The following MACROD2 variants were observed in gnomAD, a reference collection of about 807,000 sequenced individuals.
The protein encoded by MACROD2 is ADP-ribose glycohydrolase MACROD2.
In MACROD2, 36 loss-of-function variants were observed where a neutral mutation model predicts 70.4. The observed-to-expected ratio is 0.51, with a 90% confidence interval of 0.39 to 0.68. MACROD2 has a LOEUF of 0.68. Among genes scored for constraint, MACROD2 ranks in the 30% least tolerant of loss-of-function variants. The pLI is 0.00. For missense variants in MACROD2, 496 were observed against 538.4 expected, an observed-to-expected ratio of 0.92 and a Z score of 0.78; for synonymous variants, 172 against 178.8, an observed-to-expected ratio of 0.96 and a Z score of 0.30.
chr20:15,100,069 AT>A (rs2075860562), intron 5 of MACROD2, among the ~76,000 whole-genome samples: 2 of 152,088 alleles, frequency 1.3e-5, no homozygotes, highest in South Asian at 4.1e-4. Context: ...CTTGCAAGTG[AT>A]GACATTTGGA....
chr20:14,013,299 GTCTC>G (rs1405527409), intron 2 of MACROD2, among the ~76,000 whole-genome samples: 1 of 140,598 alleles, frequency 7.1e-6, no homozygotes, highest in African/African-American at 2.6e-5. Context: ...TTGAGACGAA[GTCTC>G]TCTCTGTCGC....
intron 8 of MACROD2, among the ~76,000 whole-genome samples, chr20:15,556,354 TG>T (rs2048168972): frequency 6.6e-6 from 1 of 152,230 alleles, no homozygotes; most frequent in South Asian, 2.1e-4. Flanking sequence ...TAAAGAATCA[TG>T]GATCTCTTGA....
chr20:14,206,357 T>C (rs1184289436), intron 3 of MACROD2, among the ~76,000 whole-genome samples: 2 of 152,190 alleles, frequency 1.3e-5, no homozygotes, highest in East Asian at 3.8e-4. Flanking sequence ...ATTTTATCTT[T>C]TAACCAACCC....
chr20:14,845,664 G>A (rs2073132353), intron 5 of MACROD2, among the ~76,000 whole-genome samples: 1 of 151,912 alleles, frequency 6.6e-6, no homozygotes, highest in South Asian at 2.1e-4. Context: ...ATTAGTTAGG[G>A]CAAGTAGTTT....
intron 5 of MACROD2, among the ~76,000 whole-genome samples, chr20:15,179,144 G>A (rs901708513): frequency 6.6e-6 from 1 of 152,148 alleles, no homozygotes; most frequent in Non-Finnish European, 1.5e-5. Flanking sequence ...AGTATTGACT[G>A]GTAGGTGGCA....
chr20:15,820,896 G>A lies in MACROD2; in HGVS notation c.646-41849G>A, dbSNP rs557524540. Among the ~76,000 whole-genome samples, 12 of 152,186 alleles carry A rather than the reference G, an allele frequency of 7.9e-5. No homozygotes were observed. In the South Asian group the frequency reaches 1.7e-3, roughly 21 times the overall value. ...GTTTTAGACTTCAGAGCCCCAAGTC[G>A]CCTGAATATATAGCCACCTAAATAT... On this transcript the variant is annotated intron_variant, in intron 8 of 17. Transcript: ENST00000684519.
At chr20:15,307,135 T>C (rs2077705798) in intron 6 of MACROD2, among the ~76,000 whole-genome samples, 1 of 152,090 alleles carries the variant, frequency 6.6e-6, no homozygotes, top group African/African-American at 2.4e-5. Context: ...CATTTCAACA[T>C]GAGATTTGGA....
chr20:14,509,140 A>T (rs1192357582), intron 4 of MACROD2, among the ~76,000 whole-genome samples: 1 of 152,168 alleles, frequency 6.6e-6, no homozygotes, highest in Non-Finnish European at 1.5e-5. Flanking sequence ...CAAAAGAACC[A>T]TAAGCTATTG....
chr20:14,494,599 A>C (rs1451847649), intron 4 of MACROD2, among the ~76,000 whole-genome samples: 3 of 152,174 alleles, frequency 2.0e-5, no homozygotes, highest in Non-Finnish European at 4.4e-5. Context: ...AATATCTCCA[A>C]GCCTCAGTTA....
intron 3 of MACROD2, among the ~76,000 whole-genome samples, chr20:14,255,130 T>A (rs2082043207): frequency 6.6e-6 from 1 of 152,154 alleles, no homozygotes. Context: ...TGGGCTTCCC[T>A]TTGTGGGTAA....
chr20:15,910,082 T>G (rs1357370491), intron 10 of MACROD2, among the ~76,000 whole-genome samples: 1 of 152,208 alleles, frequency 6.6e-6, no homozygotes, highest in East Asian at 1.9e-4. Context: ...GAATTAATCT[T>G]ATGATTTTGA....
chr20:15,291,513 A>G (rs546017579), intron 6 of MACROD2, among the ~76,000 whole-genome samples: 22 of 152,234 alleles, frequency 1.4e-4, no homozygotes, highest in Admixed American at 2.0e-4. Context: ...AAATAATTGC[A>G]TTTTCTTCCA....
Position 16,049,910 on chromosome 20 carries a change from T to TG in MACROD2, c.*39dup. ...AGCATCGCAAGGCCTCTCCTGGCTC[T>TG]GGGGGAGCTCGGGAAGATAGCAGCA... On this transcript the variant is annotated 3_prime_UTR_variant, in exon 18 of 18. Coordinates refer to ENST00000684519, the MANE Select transcript of MACROD2 (RefSeq NM_001351661.2). The TG allele has an allele frequency of 8.0e-7, 1 of 1,253,314 alleles. No homozygotes were observed. The highest frequency in any genetic ancestry group is 1.0e-6 in the Non-Finnish European group (1 of 966,310). The allele number at this position is 1,253,314 out of a possible 1,614,324, so 77.6% of individuals were successfully genotyped here.
chr20:14,891,428 C>T (rs925343267), intron 5 of MACROD2, among the ~76,000 whole-genome samples: 2 of 152,100 alleles, frequency 1.3e-5, no homozygotes, highest in African/African-American at 4.8e-5. Context: ...AAAGTACATC[C>T]AGGGTTTACA....
At chr20:14,521,579 G>C (rs904470021) in intron 4 of MACROD2, among the ~76,000 whole-genome samples, 7 of 152,204 alleles carry the variant, frequency 4.6e-5, no homozygotes, top group Admixed American at 4.6e-4. Context: ...CTGGCACATA[G>C]TAAGCACTTC....
intron 3 of MACROD2, among the ~76,000 whole-genome samples, chr20:14,328,133 T>C (rs937415380): frequency 6.6e-6 from 1 of 152,120 alleles, no homozygotes; most frequent in Non-Finnish European, 1.5e-5. Flanking sequence ...ATAGTTTGCT[T>C]TGATTATTAA....
intron 8 of MACROD2, among the ~76,000 whole-genome samples, chr20:15,678,602 G>A (rs1031231675): frequency 7.2e-5 from 11 of 152,020 alleles, no homozygotes; most frequent in Non-Finnish European, 1.6e-4. Context: ...CTCGTGATCC[G>A]CCTGGCAAGG....
At chr20:14,382,679 T>A (rs200940859) in intron 3 of MACROD2, among the ~76,000 whole-genome samples, 3 of 144,334 alleles carry the variant, frequency 2.1e-5, no homozygotes, top group African/African-American at 5.0e-5. Flanking sequence ...AAAAAAGATA[T>A]AAATAAATAA....
intron 4 of MACROD2, among the ~76,000 whole-genome samples, chr20:14,546,858 T>C (rs547960305): frequency 6.6e-6 from 1 of 152,314 alleles, no homozygotes; most frequent in South Asian, 2.1e-4. Context: ...TTACATTTTA[T>C]GTATCTTTGG....
Sources: allele counts gnomAD v4.1 joint callset (sites outside exome capture counted in the v4.1 genomes callset), GRCh38; gene constraint gnomAD v4.1.1; transcripts MANE v1.5; gene names NCBI Gene and HGNC (gene_info 2026-07-23, HGNC 2026-07-21).